Variants in RYR2 observed in about 807,000 individuals in gnomAD.
The protein encoded by RYR2 is cardiac muscle ryanodine receptor-calcium release channel.
A neutral mutation model predicts 601.1 loss-of-function variants in RYR2; 227 were observed. The ratio of observed to expected loss-of-function variants is 0.38; its 90% CI spans 0.34 to 0.42. The LOEUF is 0.42. Among genes scored for constraint, RYR2 ranks in the 10% least tolerant of loss-of-function variants. The pLI is 1.00. For synonymous variants in RYR2, 2,223 were observed against 2,175.1 expected (o/e 1.02, Z -0.61); for missense variants, 4,646 against 6,156.5 (o/e 0.75, Z 8.21).
rs546094673 is a variant in RYR2 at position 237,300,724 on chromosome 1, G to C, written c.168+30108G>C. Among the ~76,000 whole-genome samples, 7 of 152,240 alleles carry C rather than the reference G, an allele frequency of 4.6e-5. No individual in the cohort carries two copies. In the South Asian group the frequency reaches 1.5e-3, roughly 32 times the overall value. On this transcript the variant is annotated intron_variant, in intron 2 of 104. Coordinates refer to ENST00000366574, the MANE Select transcript of RYR2 (RefSeq NM_001035.3). ...TCAGATGCAGATAGTGATGATGATA[G>C]TAGGGCATTAACTGGTGCTTCAAAG...
intron 2 of RYR2, among the ~76,000 whole-genome samples, chr1:237,307,080 C>G (rs16835134): frequency 0.37 from 56,553 of 152,046 alleles, 10,644 homozygotes; most frequent in South Asian, 0.46. Flanking sequence ...GTCACAAGAT[C>G]CCATTTCGTG....
chr1:237,706,869 A>G, intron 67 of RYR2, 80 bp from the exon 68 acceptor site: 1 of 1,241,370 alleles, frequency 8.1e-7, no homozygotes, highest in South Asian at 1.4e-5. Flanking sequence ...GTCCAAAATG[A>G]AATAGTTGCC....
At chr1:237,673,459 T>A (rs1685132792) in intron 58 of RYR2, among the ~76,000 whole-genome samples, 1 of 152,202 alleles carries the variant, frequency 6.6e-6, no homozygotes, top group Admixed American at 6.6e-5. Flanking sequence ...TTTTAGTAAG[T>A]ATTATCAGGA....
At chr1:237,102,239 G>A (rs796688039) in intron 1 of RYR2, among the ~76,000 whole-genome samples, 14 of 152,314 alleles carry the variant, frequency 9.2e-5, no homozygotes, top group African/African-American at 3.4e-4. Flanking sequence ...AAGGGATAGA[G>A]AGGGAGTAGA....
At chr1:237,209,125 G>A (rs116484261) in intron 1 of RYR2, among the ~76,000 whole-genome samples, 6,434 of 149,872 alleles carry the variant, frequency 0.043, 201 homozygotes, top group Middle Eastern at 0.096. Context: ...TTATATATGT[G>A]TAACAGGATA....
At chr1:237,072,776 G>A (rs550245398) in intron 1 of RYR2, among the ~76,000 whole-genome samples, 26 of 151,924 alleles carry the variant, frequency 1.7e-4, no homozygotes, top group African/African-American at 6.0e-4. Flanking sequence ...GCGAAACCCC[G>A]ACTCTACTAA....
chr1:237,756,283 T>C lies in RYR2; in HGVS notation c.11146-5T>C. The C allele has an allele frequency of 6.2e-7, 1 of 1,604,238 alleles. No individual in the cohort carries two copies. The highest frequency in any genetic ancestry group is 1.1e-5 in the South Asian group (1 of 90,894). The stretch of plus-strand genomic sequence containing the variant: ...TCAACATAAATGGTTGGGATTTGTG[T>C]TCAGGAAAAAGAAATGGAAAAGCAA... On this transcript the variant is annotated splice_polypyrimidine_tract_variant and splice_region_variant and intron_variant, in intron 80 of 104. Coordinates refer to ENST00000366574, the MANE Select transcript of RYR2 (RefSeq NM_001035.3).
At chr1:237,325,637 G>A (rs536548609) in intron 2 of RYR2, among the ~76,000 whole-genome samples, 10 of 152,150 alleles carry the variant, frequency 6.6e-5, no homozygotes, top group African/African-American at 1.9e-4. Flanking sequence ...GCAGTGAGCC[G>A]AGATTGTACC....
chr1:237,824,122 C>T (rs564262885), intron 101 of RYR2, among the ~76,000 whole-genome samples: 1 of 152,168 alleles, frequency 6.6e-6, no homozygotes, highest in East Asian at 1.9e-4. Flanking sequence ...GGTACCATTC[C>T]TTTGAAACTA....
intron 1 of RYR2, among the ~76,000 whole-genome samples, chr1:237,150,261 C>T (rs1290101327): frequency 6.6e-6 from 1 of 152,178 alleles, no homozygotes; most frequent in African/African-American, 2.4e-5. Context: ...TGCTCTAGGG[C>T]TCTGCTTCTG....
intron 73 of RYR2, among the ~76,000 whole-genome samples, chr1:237,722,473 G>T (rs1339141784): frequency 5.5e-5 from 8 of 145,464 alleles, no homozygotes; most frequent in Non-Finnish European, 1.5e-5. Context: ...TCGCTCTGTC[G>T]CCCAGGCTGG....
In RYR2 at chr1:237,635,271, A is replaced by G. The variant is rs1003936606; in HGVS notation, c.6792+279A>G. Among the ~76,000 whole-genome samples, 5 of 152,348 alleles carry G rather than the reference A, an allele frequency of 3.3e-5. No homozygotes were observed. The South Asian group carries it at 1.0e-3, about 32-fold the overall frequency. ...TTGTAGTTAGAAGTTATGAAGAACAATACATTTGAAAAAATGAATTTTCTC... is the reference window on the plus strand; with the variant it reads ...TTGTAGTTAGAAGTTATGAAGAACAGTACATTTGAAAAAATGAATTTTCTC... On this transcript the variant is annotated intron_variant, in intron 44 of 104. Transcript: ENST00000366574.
chr1:237,499,170 T>C (rs554768937), intron 20 of RYR2, among the ~76,000 whole-genome samples: 2 of 152,188 alleles, frequency 1.3e-5, no homozygotes, highest in South Asian at 4.2e-4. Context: ...AATTGGAGAG[T>C]GGCAGTATTT....
intron 15 of RYR2, among the ~76,000 whole-genome samples, chr1:237,455,281 C>A (rs1658674053): frequency 6.6e-6 from 1 of 151,858 alleles, no homozygotes; most frequent in African/African-American, 2.4e-5. Context: ...GATTCCCATT[C>A]TTTTCAATGC....
chr1:237,815,503 G>T (rs866651886), intron 100 of RYR2, among the ~76,000 whole-genome samples: 2 of 152,086 alleles, frequency 1.3e-5, no homozygotes, highest in African/African-American at 4.8e-5. Context: ...TTTAAATTTG[G>T]TAATTTATTA....
intron 8 of RYR2, among the ~76,000 whole-genome samples, chr1:237,386,166 A>G (rs1701940818): frequency 6.6e-6 from 1 of 152,196 alleles, no homozygotes; most frequent in African/African-American, 2.4e-5. Flanking sequence ...TTATGTATCA[A>G]CTGGTAAACT....
At chr1:237,354,794 G>C (rs919327240) in intron 3 of RYR2, among the ~76,000 whole-genome samples, 6 of 152,104 alleles carry the variant, frequency 3.9e-5, no homozygotes, top group Admixed American at 3.9e-4. Context: ...ACAACAGTGT[G>C]TTTGTAAAAT....
chr1:237,173,099 G>A (rs1478343515), intron 1 of RYR2, among the ~76,000 whole-genome samples: 2 of 151,944 alleles, frequency 1.3e-5, no homozygotes, highest in Non-Finnish European at 2.9e-5. Flanking sequence ...TGCAGATGAG[G>A]AAAAAGAGGT....
chr1:237,268,935 CAAA>C (rs1160004017), intron 1 of RYR2, among the ~76,000 whole-genome samples: 48 of 16,204 alleles, frequency 3.0e-3, no homozygotes, highest in African/African-American at 8.2e-3. Flanking sequence ...ACTCTTGTCT[CAAA>C]AAAAAAAAAA....
Sources: gnomAD v4.1 joint callset for allele counts (sites outside exome capture counted in the v4.1 genomes callset) on GRCh38, gnomAD v4.1.1 for gene constraint, MANE v1.5 for transcripts, NCBI Gene and HGNC (gene_info 2026-07-23, HGNC 2026-07-21) for gene names.